ZC4H2: variants seen among roughly 807,000 people sequenced by gnomAD.
The protein encoded by ZC4H2 is zinc finger C4H2-type containing.
For missense variants in ZC4H2, 137 were observed against 173.9 expected (o/e 0.79, Z 1.19); for synonymous variants, 84 against 66.3 (o/e 1.27, Z -1.30).
chrX:64,948,549 C>G (rs778336916), intron 1 of ZC4H2, among the ~76,000 whole-genome samples: 1 of 111,735 alleles, frequency 8.9e-6, no homozygotes, highest in East Asian at 2.8e-4. Context: ...CTGGCTAACA[C>G]ATGCATAAAT....
At chrX:64,942,401 G>A (rs774523266) in intron 1 of ZC4H2, among the ~76,000 whole-genome samples, 3 of 110,099 alleles carry the variant, frequency 2.7e-5, no homozygotes, top group Non-Finnish European at 5.7e-5. Context: ...AGAATGTGCA[G>A]GTTTGTGCCA....
chrX:65,004,636 GC>G (rs1453013081), intron 1 of ZC4H2, among the ~76,000 whole-genome samples: 1 of 111,894 alleles, frequency 8.9e-6, no homozygotes, highest in Non-Finnish European at 1.9e-5. Context: ...TACTATATGG[GC>G]AAAAGCTGGA....
intron 1 of ZC4H2, among the ~76,000 whole-genome samples, chrX:65,025,850 T>C (rs1364879766): frequency 8.9e-6 from 1 of 112,260 alleles, no homozygotes. Flanking sequence ...TGGGAAAATG[T>C]GATTAAAAAG....
At chrX:64,975,980 C>T (rs910214380) in intron 1 of ZC4H2, among the ~76,000 whole-genome samples, 4 of 111,192 alleles carry the variant, frequency 3.6e-5, no homozygotes, top group African/African-American at 6.6e-5. Context: ...AAAAAAATCC[C>T]GACTCCTAAA....
At chrX:64,957,965 A>G (rs1425719891) in intron 1 of ZC4H2, among the ~76,000 whole-genome samples, 1 of 111,998 alleles carries the variant, frequency 8.9e-6, no homozygotes, top group Non-Finnish European at 1.9e-5. Flanking sequence ...CCAACTCTAC[A>G]TCTTGTCCCA....
rs1416884513 is a variant in ZC4H2 at position 64,917,834 on chromosome X, G to T, written c.624C>A (p.Ala208=). 2 of 1,208,931 alleles carry T rather than the reference G, an allele frequency of 1.7e-6. No homozygotes were observed. The highest frequency in any genetic ancestry group is 3.5e-5 in the African/African-American group (2 of 56,971). ...TTTTGGGGTTCCGGGACCGACTCTT[G>T]GCCTTGCAAAGAGGGCATATAGGTG... ...RNAPICPLCK[A]KSRSRNPKKP... is the part of the protein sequence containing the mutation. Residue 208 remains alanine, a synonymous_variant, in exon 5 of 5, where the codon GCC becomes GCA. Coordinates refer to ENST00000374839, the MANE Select transcript of ZC4H2 (RefSeq NM_018684.4).
chrX:64,999,806 G>A (rs1002383648), intron 1 of ZC4H2, among the ~76,000 whole-genome samples: 2 of 112,157 alleles, frequency 1.8e-5, no homozygotes, highest in Non-Finnish European at 3.8e-5. Context: ...TCCCCTCACA[G>A]TGTAAATAAA....
At chrX:64,985,438 C>G (rs1347196185) in intron 1 of ZC4H2, among the ~76,000 whole-genome samples, 1 of 111,397 alleles carries the variant, frequency 9.0e-6, no homozygotes, top group Non-Finnish European at 1.9e-5. Context: ...CCGATTATTT[C>G]TGATGTTGAA....
chrX:64,956,357 C>T (rs970349622), intron 1 of ZC4H2, among the ~76,000 whole-genome samples: 4 of 111,107 alleles, frequency 3.6e-5, no homozygotes. Context: ...TGGTGTTATC[C>T]TCCCAATAGT....
In ZC4H2 at chrX:65,030,416, C is replaced by G. The variant is rs779359150; in HGVS notation, c.-272+4213G>C. On this transcript the variant is annotated intron_variant, in intron 1 of 4. Transcript: ENST00000337990. ...GAGTGAACCACTGTGTCTAGCTGACCCTTTATATTATATGTCAAGACAAAC... is the reference window on the plus strand; with the variant it reads ...GAGTGAACCACTGTGTCTAGCTGACGCTTTATATTATATGTCAAGACAAAC... 4.5e-5 allele frequency among the ~76,000 whole-genome samples: 5 copies of G among 111,722 alleles called. No homozygotes were observed. The South Asian group carries it at 1.9e-3, about 42-fold the overall frequency.
chrX:64,922,421 G>T (rs1260092683), intron 1 of ZC4H2, among the ~76,000 whole-genome samples: 1 of 112,088 alleles, frequency 8.9e-6, no homozygotes, highest in African/African-American at 3.2e-5. Flanking sequence ...CTCCAACCTA[G>T]GTGACAGAGC....
Position 64,916,807 on chromosome X carries a change from G to C in ZC4H2, c.*976C>G, listed in dbSNP as rs931903751. The C allele has an allele frequency of 8.9e-6, 1 of 111,822 alleles. No individual in the cohort carries two copies. Among genetic ancestry groups the C allele is most frequent in the African/African-American group, 3.3e-5 (1 of 30,696 alleles). The allele number at this position is 111,822 out of a possible 1,213,427, so 9.2% of individuals were successfully genotyped here. A position where few individuals can be genotyped will look rare whatever the true frequency, so the allele number is the denominator to read the frequency against. ...AGGCTCCAGAAGAGTTCAGATCCAA[G>C]AGAGCAAGGGATGAATGGAAGGAAA... On this transcript the variant is annotated 3_prime_UTR_variant, in exon 5 of 5. Coordinates refer to ENST00000374839, the MANE Select transcript of ZC4H2 (RefSeq NM_018684.4).
rs748610662 is a variant in ZC4H2, at chrX:64,917,531, G to A, written c.*252C>T. On this transcript the variant is annotated 3_prime_UTR_variant, in exon 5 of 5. Transcript: ENST00000374839. The stretch of plus-strand genomic sequence containing the variant: ...CTTCCCTTAGCTCCAAACAAGGGCA[G>A]GGGTTGAAATGTGAGTGGGAGAGAA... The A allele has an allele frequency of 3.9e-4, 132 of 334,332 alleles. 1 individual carries two copies. The highest frequency in any genetic ancestry group is 3.2e-3 in the African/African-American group (121 of 37,614). 27.6% of individuals were successfully genotyped at this position (334,332 alleles called of 1,213,427 possible). A position where few individuals can be genotyped will look rare whatever the true frequency, so the allele number is the denominator to read the frequency against.
At chrX:64,999,752 G>A (rs990463188) in intron 1 of ZC4H2, among the ~76,000 whole-genome samples, 1 of 112,029 alleles carries the variant, frequency 8.9e-6, no homozygotes, top group African/African-American at 3.2e-5. Context: ...GAGCTTGGTA[G>A]GGGGACGGGC....
chrX:64,988,069 C>A (rs777065548), intron 1 of ZC4H2, among the ~76,000 whole-genome samples: 2 of 109,682 alleles, frequency 1.8e-5, no homozygotes, highest in Non-Finnish European at 1.9e-5. Context: ...TGAACTCATC[C>A]TTTTTTATGG....
At chrX:64,999,039 G>GTTTTTTTTTTT (rs58094683) in intron 1 of ZC4H2, among the ~76,000 whole-genome samples, 20 of 11,855 alleles carry the variant, frequency 1.7e-3, no homozygotes, top group Non-Finnish European at 2.0e-3. Context: ...TGGATTATGT[G>GTTTTTTTTTTT]TTTTTTTTTT....
At chrX:64,961,526 C>T (rs752689990) in intron 1 of ZC4H2, among the ~76,000 whole-genome samples, 19 of 111,052 alleles carry the variant, frequency 1.7e-4, no homozygotes, top group Admixed American at 1.2e-3. Context: ...ATGTCATCAG[C>T]TAATAATTCT....
At chrX:65,024,238 C>T (rs1447105830) in intron 1 of ZC4H2, among the ~76,000 whole-genome samples, 1 of 110,390 alleles carries the variant, frequency 9.1e-6, no homozygotes, top group Admixed American at 9.8e-5. Context: ...TGCACATGTA[C>T]CCCAGAACTT....
At chrX:64,983,642 T>G (rs1374957519) in intron 1 of ZC4H2, among the ~76,000 whole-genome samples, 2 of 112,177 alleles carry the variant, frequency 1.8e-5, no homozygotes, top group Admixed American at 9.5e-5. Flanking sequence ...CATGATCTAC[T>G]CTTCCAATTA....
Sources: allele counts gnomAD v4.1 joint callset (sites outside exome capture counted in the v4.1 genomes callset), GRCh38; gene constraint gnomAD v4.1.1; transcripts MANE v1.5; gene names NCBI Gene and HGNC (gene_info 2026-07-23, HGNC 2026-07-21).